Variants in RPTOR observed in about 807,000 individuals in gnomAD.
RPTOR encodes the protein regulatory associated protein of MTOR complex 1, also known as regulatory-associated protein of mTOR.
RPTOR carries 21 observed loss-of-function variants against 169.9 expected under a neutral mutation model. The ratio of observed to expected loss-of-function variants is 0.12; its 90% CI spans 0.09 to 0.18. The LOEUF is 0.18. Ranked by LOEUF, RPTOR falls within the 10% of genes least tolerant of loss-of-function variation. The pLI, the probability that RPTOR is intolerant of heterozygous loss-of-function variation, is 1.00. For missense variants in RPTOR, 1,133 were observed against 1,855.9 expected (o/e 0.61, Z 7.16); for synonymous variants, 732 against 753.2 (o/e 0.97, Z 0.46).
In RPTOR at chr17:80,965,936, C is replaced by T; in HGVS notation, c.*1606C>T. ...TCCGGAAGGTGTAGAGAGTCCCGGCCTCACTCAGCTCACAGGGCGTGCCAG... is the reference window on the plus strand; with the variant it reads ...TCCGGAAGGTGTAGAGAGTCCCGGCTTCACTCAGCTCACAGGGCGTGCCAG... On this transcript the variant is annotated 3_prime_UTR_variant, in exon 34 of 34. Coordinates refer to ENST00000306801, the MANE Select transcript of RPTOR (RefSeq NM_020761.3). The T allele has an allele frequency of 4.3e-6, 1 of 233,414 alleles. No homozygotes were observed. Among genetic ancestry groups the T allele is most frequent in the Non-Finnish European group, 8.5e-6 (1 of 118,122 alleles). The allele number at this position is 233,414 out of a possible 1,614,324, so 14.5% of individuals were successfully genotyped here. A position where few individuals can be genotyped will look rare whatever the true frequency, so the allele number is the denominator to read the frequency against.
chr17:80,680,945 G>T (rs769176518), intron 3 of RPTOR, among the ~76,000 whole-genome samples: 3 of 152,134 alleles, frequency 2.0e-5, no homozygotes, highest in Non-Finnish European at 4.4e-5. Context: ...GCTGGCATTT[G>T]GTTTTCACCA....
At chr17:80,848,144 G>T (rs914694624) in intron 11 of RPTOR, among the ~76,000 whole-genome samples, 1 of 152,194 alleles carries the variant, frequency 6.6e-6, no homozygotes, top group South Asian at 2.1e-4. Flanking sequence ...TGTCTCAGGC[G>T]GGCAACAAAG....
At chr17:80,611,932 A>G (rs35895230) in intron 1 of RPTOR, among the ~76,000 whole-genome samples, 30,800 of 151,916 alleles carry the variant, frequency 0.2, 3,259 homozygotes, top group East Asian at 0.28. Context: ...TCATGGCATC[A>G]TTTCACTTGT....
chr17:80,651,965 G>A lies in RPTOR; in HGVS notation c.348+8155G>A, dbSNP rs796867422. Among the ~76,000 whole-genome samples the A allele has an allele frequency of 1.6e-4, 24 of 151,934 alleles. No homozygotes were observed. Among genetic ancestry groups the A allele is most frequent in the African/African-American group, 4.3e-4 (18 of 41,412 alleles). On this transcript the variant is annotated intron_variant, in intron 3 of 33. Coordinates refer to ENST00000306801, the MANE Select transcript of RPTOR (RefSeq NM_020761.3). The surrounding 1 kb of genome is among the most constrained non-coding windows in gnomAD (Gnocchi z 4.1). ...GGAGCTTGCAGTGAGCTGAGATCACGCCACTGCACTCCAGCCTGGGGCGAC... is the reference window on the plus strand; with the variant it reads ...GGAGCTTGCAGTGAGCTGAGATCACACCACTGCACTCCAGCCTGGGGCGAC...
chr17:80,878,208 A>G lies in RPTOR; in HGVS notation c.1510-2207A>G, dbSNP rs2143822642. On this transcript the variant is annotated intron_variant, in intron 13 of 33. Transcript: ENST00000306801. The surrounding 1 kb of genome is among the most constrained non-coding windows in gnomAD (Gnocchi z 4.1). ...GTCGATGCAGTGTCTGTCACTGCTC[A>G]GTTTCTAGGTATTGATCCTAGAAAC... Among the ~76,000 whole-genome samples the G allele has an allele frequency of 6.6e-6, 1 of 152,334 alleles. No homozygotes were observed. Among genetic ancestry groups the G allele is most frequent in the East Asian group, 1.9e-4 (1 of 5,184 alleles).
rs1487354368 is a variant in RPTOR, at chr17:80,925,725, C to T, written c.2919+245C>T. Among the ~76,000 whole-genome samples, 4 of 152,352 alleles carry T rather than the reference C, an allele frequency of 2.6e-5. No homozygotes were observed. The South Asian group carries it at 6.2e-4, about 24-fold the overall frequency. ...TGTGACAGGTGTCACTTTGCCTTAA[C>T]TGACAGGGTCACCACAGGCCTTCCC... On this transcript the variant is annotated intron_variant, in intron 24 of 33. Transcript: ENST00000306801.
chr17:80,556,132 G>C (rs1054853988), intron 1 of RPTOR, among the ~76,000 whole-genome samples: 5 of 151,824 alleles, frequency 3.3e-5, no homozygotes, highest in Non-Finnish European at 7.4e-5. Flanking sequence ...CTTACATGTG[G>C]CCACACAGCC....
chr17:80,670,327 C>G (rs1366223893), intron 3 of RPTOR, among the ~76,000 whole-genome samples: 1 of 152,170 alleles, frequency 6.6e-6, no homozygotes, highest in South Asian at 2.1e-4. Context: ...TGCGCCTTCC[C>G]TCTCCTTTCC....
intron 3 of RPTOR, among the ~76,000 whole-genome samples, chr17:80,684,212 C>T (rs911747714): frequency 2.6e-5 from 4 of 152,084 alleles, no homozygotes; most frequent in Admixed American, 6.5e-5. Context: ...TATTCTGTTC[C>T]GTTGCAGGGC....
chr17:80,663,397 C>T (rs1334255227), intron 3 of RPTOR, among the ~76,000 whole-genome samples: 2 of 140,476 alleles, frequency 1.4e-5, no homozygotes, highest in African/African-American at 2.4e-5. Flanking sequence ...TGACAAAAAT[C>T]ATCTCTTTCT....
intron 5 of RPTOR, among the ~76,000 whole-genome samples, chr17:80,752,661 T>C (rs933351497): frequency 6.6e-6 from 1 of 152,224 alleles, no homozygotes; most frequent in Non-Finnish European, 1.5e-5. Context: ...AATCACAATC[T>C]CAGTGCTAGT....
chr17:80,663,145 A>T (rs1374076738), intron 3 of RPTOR, among the ~76,000 whole-genome samples: 2 of 152,164 alleles, frequency 1.3e-5, no homozygotes, highest in African/African-American at 4.8e-5. Context: ...GCGGCAGCTC[A>T]TTGCTGGGTG....
chr17:80,742,205 G>A (rs151046660), intron 5 of RPTOR, among the ~76,000 whole-genome samples: 170 of 152,284 alleles, frequency 1.1e-3, no homozygotes, highest in African/African-American at 4.0e-3. Flanking sequence ...GCATGTGTTT[G>A]TGCTAATGGG....
At chr17:80,561,249 ATG>A (rs1453796863) in intron 1 of RPTOR, among the ~76,000 whole-genome samples, 1,195 of 6,666 alleles carry the variant, frequency 0.18, 32 homozygotes, top group African/African-American at 0.2. Flanking sequence ...TTATATATAT[ATG>A]TATATATATA....
At chr17:80,869,666 C>T (rs1026678014) in intron 13 of RPTOR, among the ~76,000 whole-genome samples, 15 of 152,184 alleles carry the variant, frequency 9.9e-5, no homozygotes, top group African/African-American at 3.1e-4. Context: ...CTCCAGACTG[C>T]GTGTCAGGAG....
At chr17:80,699,205 A>G (rs527948635) in intron 3 of RPTOR, among the ~76,000 whole-genome samples, 6 of 152,274 alleles carry the variant, frequency 3.9e-5, no homozygotes, top group Admixed American at 6.5e-5. Flanking sequence ...GTAAACTCCA[A>G]TAGGAAGTAT....
intron 20 of RPTOR, 94 bp from the exon 21 acceptor site, chr17:80,908,717 G>A (rs2068575004): frequency 2.3e-6 from 2 of 859,566 alleles, no homozygotes; most frequent in African/African-American, 3.4e-5. Context: ...CAACACTTCT[G>A]ATACCAGGGT....
At chr17:80,649,911 T>C (rs2065626472) in intron 3 of RPTOR, among the ~76,000 whole-genome samples, 1 of 152,204 alleles carries the variant, frequency 6.6e-6, no homozygotes, top group East Asian at 1.9e-4. Context: ...TGCCTTGCCC[T>C]GTCCCCAGAG....
chr17:80,701,825 G>T (rs1012860238), intron 3 of RPTOR, among the ~76,000 whole-genome samples: 13 of 152,154 alleles, frequency 8.5e-5, no homozygotes, highest in African/African-American at 3.1e-4. Flanking sequence ...AGCGGCACAG[G>T]GCTACCCCTG....
Sources: allele counts gnomAD v4.1 joint callset (sites outside exome capture counted in the v4.1 genomes callset), GRCh38; gene constraint gnomAD v4.1.1; non-coding constraint Gnocchi (gnomAD v3.1); transcripts MANE v1.5; gene names NCBI Gene and HGNC (gene_info 2026-07-23, HGNC 2026-07-21).